POLR1A: variants seen among roughly 807,000 people sequenced by gnomAD.
The protein encoded by POLR1A is RNA polymerase I subunit A, also known as DNA-directed RNA polymerase I subunit RPA1.
A neutral mutation model predicts 205.3 loss-of-function variants in POLR1A; 84 were observed. The ratio of observed to expected loss-of-function variants is 0.41; its 90% CI spans 0.34 to 0.49. POLR1A has a LOEUF of 0.49. Among genes scored for constraint, POLR1A ranks in the 20% least tolerant of loss-of-function variants. The pLI, the probability that POLR1A is intolerant of heterozygous loss-of-function variation, is 0.22. For synonymous variants in POLR1A, 799 were observed against 863.7 expected (o/e 0.93, Z 1.31); for missense variants, 1,645 against 2,204.5 (o/e 0.75, Z 5.08).
intron 5 of POLR1A, 21 bp downstream of exon 5, chr2:86,088,764 C>G (rs781361990): frequency 6.2e-7 from 1 of 1,607,398 alleles, no homozygotes; most frequent in African/African-American, 1.3e-5. Context: ...TCTCACCTGG[C>G]GCAAGGGCCC....
chr2:86,070,296 G>C lies in POLR1A; in HGVS notation c.1612-24C>G. The C allele has an allele frequency of 6.3e-7, 1 of 1,588,818 alleles. No homozygotes were observed. Among genetic ancestry groups the C allele is most frequent in the Non-Finnish European group, 8.6e-7 (1 of 1,165,294 alleles). ...ACCTGGGAACAGAGTGGACAGGTGG[G>C]TGATCAGTGCAAACGTCAGTATCAC... On this transcript the variant is annotated intron_variant, in intron 12 of 33. Coordinates refer to ENST00000263857, the MANE Select transcript of POLR1A (RefSeq NM_015425.6). This position sits in a 1 kb window ranked among gnomAD's most constrained non-coding sequence, Gnocchi z 4.4.
chr2:86,077,129 C>T (rs910790303), intron 11 of POLR1A, among the ~76,000 whole-genome samples: 1 of 152,090 alleles, frequency 6.6e-6, no homozygotes. Context: ...GAGGGGGTGG[C>T]GTGCAAGGAA....
At chr2:86,084,870 T>G (rs1252024507) in intron 6 of POLR1A, among the ~76,000 whole-genome samples, 1 of 152,178 alleles carries the variant, frequency 6.6e-6, no homozygotes, top group Non-Finnish European at 1.5e-5. Context: ...TATGTCATCA[T>G]AAGTTTTTAG....
intron 14 of POLR1A, among the ~76,000 whole-genome samples, chr2:86,059,111 C>A (rs1672951970): frequency 6.6e-6 from 1 of 152,160 alleles, no homozygotes; most frequent in Non-Finnish European, 1.5e-5. Context: ...GTGGTATACC[C>A]ATATCACTGA....
rs1426436337 is a variant in POLR1A, at chr2:86,022,061, A to G, written c.*5362T>C. On this transcript the variant is annotated 3_prime_UTR_variant, in exon 34 of 34. Transcript: ENST00000263857. ...GCTGCTTAAAGAACTTAAGGAACGA[A>G]TCTGATTAAATAATTATGATTTAGC... The G allele has an allele frequency of 6.6e-6, 1 of 152,222 alleles. No homozygotes were observed. Among genetic ancestry groups the G allele is most frequent in the African/African-American group, 2.4e-5 (1 of 41,450 alleles). 9.4% of individuals were successfully genotyped at this position (152,222 alleles called of 1,614,324 possible). A position where few individuals can be genotyped will look rare whatever the true frequency, so the allele number is the denominator to read the frequency against.
rs781429023 is a variant in POLR1A, at chr2:86,027,866, C to A, written c.5062+19G>T. The A allele has an allele frequency of 4.3e-6, 7 of 1,613,584 alleles. No individual in the cohort carries two copies. The South Asian group carries it at 6.6e-5, about 15-fold the overall frequency. On this transcript the variant is annotated intron_variant, in intron 33 of 33. Coordinates refer to ENST00000263857, the MANE Select transcript of POLR1A (RefSeq NM_015425.6). ...GTCGTCAGTAGAGGGGAGGCCAGGG[C>A]TCCTGCCCACGCACTAACCCAGCAT...
intron 31 of POLR1A, 110 bp downstream of exon 31, chr2:86,030,086 G>T: frequency 2.3e-6 from 2 of 860,974 alleles, no homozygotes; most frequent in Non-Finnish European, 3.8e-6. Context: ...AAATGGCTCA[G>T]GAAGGGCCAG....
At position 86,077,995 on chromosome 2, in the gene POLR1A, A is replaced by G. The variant is rs970475998; in HGVS notation, c.1258-14T>C. ...CTTCTCCAGGATCTTTATGGAGAAAAAAGGTCATAAAAAACATTCAACAAG... is the reference window on the plus strand; with the variant it reads ...CTTCTCCAGGATCTTTATGGAGAAAGAAGGTCATAAAAAACATTCAACAAG... On this transcript the variant is annotated splice_polypyrimidine_tract_variant and intron_variant, in intron 10 of 33. Coordinates refer to ENST00000263857, the MANE Select transcript of POLR1A (RefSeq NM_015425.6). 8 of 1,613,860 alleles carry G rather than the reference A, an allele frequency of 5.0e-6. No homozygotes were observed. In the African/African-American group the frequency reaches 1.1e-4, roughly 22 times the overall value.
In POLR1A at chr2:86,062,396, C is replaced by T. The variant is rs570261473; in HGVS notation, c.2058+2878G>A. 5.3e-5 allele frequency among the ~76,000 whole-genome samples: 8 copies of T among 151,622 alleles called. No homozygotes were observed. In the South Asian group the frequency reaches 1.0e-3, roughly 20 times the overall value. ...TGAAATTAAACCGGAAATCAACAAT[C>T]GAGATATTTGGAAAAGCCCTCAATA... On this transcript the variant is annotated intron_variant, in intron 14 of 33. Transcript: ENST00000263857.
Position 86,027,406 on chromosome 2 carries a change from T to C in POLR1A, c.*17A>G, listed in dbSNP as rs773347642. On this transcript the variant is annotated 3_prime_UTR_variant, in exon 34 of 34. Transcript: ENST00000263857. ...CCAAGGGTCCTTGGAGCTGGGCAGA[T>C]GGTGCCGGGGTAGCTGCTATCTCAG... 13 of 1,606,888 alleles carry C rather than the reference T, an allele frequency of 8.1e-6. No individual in the cohort carries two copies. Among genetic ancestry groups the C allele is most frequent in the African/African-American group, 1.3e-5 (1 of 74,768 alleles).
At chr2:86,082,655 G>A (rs1047869278) in intron 7 of POLR1A, among the ~76,000 whole-genome samples, 1 of 151,988 alleles carries the variant, frequency 6.6e-6, no homozygotes, top group Non-Finnish European at 1.5e-5. Context: ...AATATACTGC[G>A]TAGGTTTTGT....
chr2:86,085,710 G>A (rs1285149117), intron 6 of POLR1A, among the ~76,000 whole-genome samples: 1 of 152,210 alleles, frequency 6.6e-6, no homozygotes, highest in African/African-American at 2.4e-5. Context: ...AGCTGTGGAA[G>A]CCCATCTCCT....
rs1690191100 is a variant in POLR1A, at chr2:86,023,490, A to G, written c.*3933T>C. ...TCCTAACTCTCCCCAGGTGCAGAAC[A>G]CTTAAGGGTCCCAACATCTGATTGA... On this transcript the variant is annotated 3_prime_UTR_variant, in exon 34 of 34. Coordinates refer to ENST00000263857, the MANE Select transcript of POLR1A (RefSeq NM_015425.6). 1 of 152,224 alleles carries G rather than the reference A, an allele frequency of 6.6e-6. No homozygotes were observed. The highest frequency in any genetic ancestry group is 1.5e-5 in the Non-Finnish European group (1 of 68,052). 9.4% of individuals were successfully genotyped at this position (152,224 alleles called of 1,614,324 possible).
intron 19 of POLR1A, 116 bp downstream of exon 19, chr2:86,047,049 C>T (rs779882727): frequency 1.1e-4 from 72 of 664,026 alleles, no homozygotes; most frequent in Admixed American, 1.8e-4. Context: ...GATTTCTACA[C>T]GCTTTCCTCT....
intron 1 of POLR1A, among the ~76,000 whole-genome samples, chr2:86,105,487 A>G (rs1220420974): frequency 2.0e-5 from 3 of 152,036 alleles, no homozygotes; most frequent in Non-Finnish European, 4.4e-5. Flanking sequence ...CCCCTACCTC[A>G]GCGCAAACTC....
intron 16 of POLR1A, among the ~76,000 whole-genome samples, chr2:86,050,127 A>T (rs311580): frequency 0.11 from 16,215 of 152,080 alleles, 1,213 homozygotes; most frequent in African/African-American, 0.2. Flanking sequence ...CACGTTGGCC[A>T]GGATGGTCTC....
rs577099700 is a variant in POLR1A at position 86,060,150 on chromosome 2, G to A, written c.2058+5124C>T. On this transcript the variant is annotated intron_variant, in intron 14 of 33. Coordinates refer to ENST00000263857, the MANE Select transcript of POLR1A (RefSeq NM_015425.6). ...CCAGGAGTGAATCTAATGAAAAGAT[G>A]TATAAGGCTTTTACATAATTGAAGG... Among the ~76,000 whole-genome samples the A allele has an allele frequency of 2.6e-5, 4 of 152,296 alleles. No homozygotes were observed. The South Asian group carries it at 6.2e-4, about 24-fold the overall frequency.
At chr2:86,097,285 A>C (rs1166351841) in intron 3 of POLR1A, among the ~76,000 whole-genome samples, 2 of 148,020 alleles carry the variant, frequency 1.4e-5, no homozygotes, top group Non-Finnish European at 3.0e-5. Context: ...ACTCTTATAC[A>C]CTGTTGGTGG....
chr2:86,097,136 T>C (rs1034377500), intron 3 of POLR1A, among the ~76,000 whole-genome samples: 6 of 140,264 alleles, frequency 4.3e-5, no homozygotes, highest in Non-Finnish European at 9.1e-5. Context: ...TCACTAGTCA[T>C]TGAGAAAACA....
Sources: gnomAD v4.1 joint callset for allele counts (sites outside exome capture counted in the v4.1 genomes callset) on GRCh38, gnomAD v4.1.1 for gene constraint, Gnocchi (gnomAD v3.1) non-coding constraint, MANE v1.5 for transcripts, NCBI Gene and HGNC (gene_info 2026-07-23, HGNC 2026-07-21) for gene names.